Variants in PLCB4 observed in about 807,000 individuals in gnomAD.
PLCB4 encodes the protein phospholipase C beta 4, also known as 1-phosphatidylinositol 4,5-bisphosphate phosphodiesterase beta-4.
PLCB4 carries 77 observed loss-of-function variants against 178.8 expected under a neutral mutation model. The observed-to-expected ratio is 0.43, with a 90% confidence interval of 0.36 to 0.52. The LOEUF (loss-of-function observed/expected upper bound fraction) is 0.52. Ranked by LOEUF, PLCB4 falls within the 20% of genes least tolerant of loss-of-function variation. The pLI is 0.00. For synonymous variants in PLCB4, 496 were observed against 490.8 expected (o/e 1.01, Z -0.14); for missense variants, 1,024 against 1,453.4 (o/e 0.70, Z 4.80).
chr20:9,127,693 T>C (rs1297988777), intron 2 of PLCB4, among the ~76,000 whole-genome samples: 1 of 151,818 alleles, frequency 6.6e-6, no homozygotes, highest in Non-Finnish European at 1.5e-5. Context: ...TATCCATCCA[T>C]CCATCTATCT....
chr20:9,149,764 C>T (rs1396958026), intron 2 of PLCB4, among the ~76,000 whole-genome samples: 3 of 152,126 alleles, frequency 2.0e-5, no homozygotes, highest in African/African-American at 7.2e-5. Flanking sequence ...CCTAAGTTGT[C>T]TCAATATGAG....
intron 3 of PLCB4, among the ~76,000 whole-genome samples, chr20:9,219,856 C>T (rs2093777213): frequency 6.6e-6 from 1 of 152,232 alleles, no homozygotes; most frequent in South Asian, 2.1e-4. Context: ...TACTTCCCCA[C>T]ACTTCCAACG....
chr20:9,293,072 CAAGAAAGA>C (rs372645343), intron 3 of PLCB4, among the ~76,000 whole-genome samples: 6 of 148,994 alleles, frequency 4.0e-5, no homozygotes, highest in Non-Finnish European at 7.4e-5. Context: ...GAGTGAGATT[CAAGAAAGA>C]AAGAAAGAAA....
At chr20:9,439,734 G>A (rs1445827429) in intron 30 of PLCB4, among the ~76,000 whole-genome samples, 1 of 152,144 alleles carries the variant, frequency 6.6e-6, no homozygotes, top group Non-Finnish European at 1.5e-5. Context: ...GCAGTGCCCA[G>A]AAACTCAGCA....
intron 3 of PLCB4, among the ~76,000 whole-genome samples, chr20:9,232,991 T>A: frequency 6.6e-6 from 1 of 152,116 alleles, no homozygotes; most frequent in Non-Finnish European, 1.5e-5. Flanking sequence ...AAAGAGTTTA[T>A]TAGTTCCCAG....
At chr20:9,398,929 CT>C (rs1326708387) in intron 19 of PLCB4, among the ~76,000 whole-genome samples, 1 of 152,162 alleles carries the variant, frequency 6.6e-6, no homozygotes, top group African/African-American at 2.4e-5. Flanking sequence ...CAAGTCAAGA[CT>C]TTTGTACGTT....
At chr20:9,148,569 A>G (rs2092639053) in intron 2 of PLCB4, among the ~76,000 whole-genome samples, 1 of 152,068 alleles carries the variant, frequency 6.6e-6, no homozygotes, top group Non-Finnish European at 1.5e-5. Flanking sequence ...AGGGAAGTCA[A>G]CAGAGGACTT....
At chr20:9,119,017 A>T (rs2091873795) in intron 2 of PLCB4, among the ~76,000 whole-genome samples, 1 of 152,226 alleles carries the variant, frequency 6.6e-6, no homozygotes, top group African/African-American at 2.4e-5. Flanking sequence ...ACTGTGTTGT[A>T]CATTGTACGT....
At chr20:9,186,923 AC>A (rs2093336819) in intron 2 of PLCB4, among the ~76,000 whole-genome samples, 1 of 151,572 alleles carries the variant, frequency 6.6e-6, no homozygotes, top group Non-Finnish European at 1.5e-5. Flanking sequence ...GGCCACAGTG[AC>A]CCTTTTATTT....
chr20:9,072,376 A>G (rs2089617047), intron 1 of PLCB4, among the ~76,000 whole-genome samples: 1 of 151,860 alleles, frequency 6.6e-6, no homozygotes, highest in Non-Finnish European at 1.5e-5. Context: ...TTAAAGTAGA[A>G]ATACTTTCTC....
intron 3 of PLCB4, among the ~76,000 whole-genome samples, chr20:9,297,468 T>A (rs575000101): frequency 6.6e-6 from 1 of 152,158 alleles, no homozygotes; most frequent in African/African-American, 2.4e-5. Context: ...CACCACTAAA[T>A]AACTTATTCA....
intron 3 of PLCB4, among the ~76,000 whole-genome samples, chr20:9,304,006 A>G (rs993056593): frequency 6.6e-6 from 1 of 150,864 alleles, no homozygotes; most frequent in African/African-American, 2.4e-5. Context: ...CCCCACCTAA[A>G]TCTCCCTCTC....
At chr20:9,083,623 T>G (rs1373717624) in intron 1 of PLCB4, among the ~76,000 whole-genome samples, 3 of 152,252 alleles carry the variant, frequency 2.0e-5, no homozygotes, top group Admixed American at 6.5e-5. Flanking sequence ...GCAGGTTAGG[T>G]ATAATTACGA....
chr20:9,339,106 GTGCTATATTTT>G, intron 7 of PLCB4, 69 bp downstream of exon 7: 1 of 1,162,664 alleles, frequency 8.6e-7, no homozygotes, highest in African/African-American at 1.6e-5. Context: ...AATTTTATGC[GTGCTATATTTT>G]TATATACTTA....
chr20:9,408,793 C>A (rs906274997), intron 23 of PLCB4, 76 bp downstream of exon 23: 9 of 783,046 alleles, frequency 1.1e-5, no homozygotes, highest in Admixed American at 1.9e-5. Context: ...AGATAAATGG[C>A]TAATATCTCA....
At position 9,409,096 on chromosome 20, in the gene PLCB4, A is replaced by T. The variant is rs1255708691; in HGVS notation, c.1914A>T (p.Gly638=). ...KRQMSRIYPK[G]GRVDSSNYMP... is the part of the protein sequence containing the mutation. The stretch of plus-strand genomic sequence containing the variant: ...AAATGAGTCGCATTTACCCCAAGGG[A>T]GGCCGAGTCGATTCCAGTAATTACA... Residue 638 remains glycine (G), a synonymous_variant, in exon 24 of 40, where the codon GGA becomes GGT. Transcript: ENST00000378473. The T allele has an allele frequency of 1.2e-6, 2 of 1,607,224 alleles. 1 individual carries two copies. Among genetic ancestry groups the T allele is most frequent in the South Asian group, 2.2e-5 (2 of 89,176 alleles).
In PLCB4 at chr20:9,417,995, T is replaced by C. The variant is rs370748344; in HGVS notation, c.2052-1812T>C. On this transcript the variant is annotated intron_variant, in intron 25 of 39. Transcript: ENST00000378473. ...TTTATGTGCTTCTTGGTTTTTTGTA[T>C]ATCTTATTTGGAGAAATGTCTGTTC... 2.6e-5 allele frequency among the ~76,000 whole-genome samples: 4 copies of C among 152,196 alleles called. No homozygotes were observed. The East Asian group carries it at 7.7e-4, about 29-fold the overall frequency.
At chr20:9,218,591 C>A (rs1441578538) in intron 3 of PLCB4, among the ~76,000 whole-genome samples, 1 of 152,172 alleles carries the variant, frequency 6.6e-6, no homozygotes, top group African/African-American at 2.4e-5. Flanking sequence ...GAGTGTTTTC[C>A]TCCAGCGTTT....
intron 4 of PLCB4, 72 bp from the exon 5 acceptor site, chr20:9,337,054 C>T: frequency 1.1e-6 from 1 of 923,758 alleles, no homozygotes; most frequent in Non-Finnish European, 1.8e-6. Flanking sequence ...TTTAGAAGCT[C>T]AGCAATATTT....
Sources: gnomAD v4.1 joint callset for allele counts (sites outside exome capture counted in the v4.1 genomes callset) on GRCh38, gnomAD v4.1.1 for gene constraint, MANE v1.5 for transcripts, NCBI Gene and HGNC (gene_info 2026-07-23, HGNC 2026-07-21) for gene names.